The following VWCE variants were observed in gnomAD, a reference collection of about 807,000 sequenced individuals.
VWCE encodes the protein von Willebrand factor C and EGF domains, also known as von Willebrand factor C and EGF domain-containing protein.
A neutral mutation model predicts 102.9 loss-of-function variants in VWCE; 68 were observed. That is an observed-to-expected ratio of 0.66 (90% CI 0.54 to 0.81). VWCE has a LOEUF of 0.81. VWCE is among the 30% of genes least tolerant of loss of function. VWCE has a pLI of 0.00. For missense variants in VWCE, 1,137 were observed against 1,263.6 expected (o/e 0.90, Z 1.52); for synonymous variants, 497 against 515.4 (o/e 0.96, Z 0.48).
At chr11:61,285,942 C>T (rs113559406) in intron 5 of VWCE, among the ~76,000 whole-genome samples, 6 of 152,190 alleles carry the variant, frequency 3.9e-5, no homozygotes, top group East Asian at 1.9e-4. Flanking sequence ...TTAGTAGAGA[C>T]GAGGTTTCAC....
rs1341591318 is a variant in VWCE at position 61,286,368 on chromosome 11, C to T, written c.487G>A (p.Val163Met). Residue 163 changes from valine to methionine, a missense_variant, in exon 5 of 20, where the codon GTG becomes ATG. Transcript: ENST00000335613. ...GHCVNTEGGF[V>M]CECGPGMQLS... The stretch of plus-strand genomic sequence containing the variant: ...TGCATGCCCGGCCCACACTCGCACA[C>T]AAACCCACCTTCTGTGTTCACACAG... The T allele has an allele frequency of 6.2e-7, 1 of 1,612,406 alleles. No individual in the cohort carries two copies. The highest frequency in any genetic ancestry group is 8.5e-7 in the Non-Finnish European group (1 of 1,180,054).
intron 19 of VWCE, 43 bp downstream of exon 19, chr11:61,264,444 A>G: frequency 1.3e-6 from 2 of 1,576,078 alleles, no homozygotes; most frequent in Non-Finnish European, 1.7e-6. Flanking sequence ...AGTAAAATGG[A>G]AGAAGATGGC....
At chr11:61,283,266 G>A (rs758654765) in intron 5 of VWCE, among the ~76,000 whole-genome samples, 1 of 152,064 alleles carries the variant, frequency 6.6e-6, no homozygotes, top group Non-Finnish European at 1.5e-5. Flanking sequence ...AAACCTCTCC[G>A]CTGCTCCCAC....
intron 12 of VWCE, 149 bp downstream of exon 12, chr11:61,274,350 G>A: frequency 6.1e-6 from 4 of 653,060 alleles, no homozygotes; most frequent in South Asian, 3.8e-5. Context: ...GGAAGACCTG[G>A]GGGATCCCTG....
intron 5 of VWCE, among the ~76,000 whole-genome samples, chr11:61,285,732 C>T (rs1018654653): frequency 6.6e-6 from 1 of 152,146 alleles, no homozygotes; most frequent in Non-Finnish European, 1.5e-5. Context: ...CATCACCATC[C>T]CTTTATCCTG....
intron 19 of VWCE, among the ~76,000 whole-genome samples, 176 bp from the exon 20 acceptor site, chr11:61,259,488 G>C (rs778651485): frequency 6.6e-6 from 1 of 152,192 alleles, no homozygotes. Flanking sequence ...AGCCATGAAC[G>C]GAGGGAGGCA....
intron 6 of VWCE, 38 bp downstream of exon 6, chr11:61,282,751 G>T: frequency 6.5e-7 from 1 of 1,548,518 alleles, no homozygotes. Context: ...CTGATTGGCA[G>T]CCTAAGTGTG....
In VWCE at chr11:61,291,505, A is replaced by G. The variant is rs1855501560; in HGVS notation, c.182T>C (p.Met61Thr). The change falls in exon 2 of 20, where the codon ATG becomes ACG. Residue 61 changes from methionine (M) to threonine (T), a missense_variant. Physicochemically the swap from Met to Thr is moderately conservative, Grantham distance 81 (BLOSUM62 -1). Around this residue, in one of 5 missense-constraint regions of VWCE, gnomAD observed 575 missense variants for 625.9 expected, o/e 0.92. Transcript: ENST00000335613. ...SGCCPGWAPS[M>T]GGGHCTLPLC... ...ACGCAGGGTGCAGTGCCCACCACCC[A>G]TAGAGGGCGCCCAGCCAGGGCAGCA... 6.5e-7 allele frequency: 1 copy of G among 1,537,766 alleles called. No individual in the cohort carries two copies. The highest frequency in any genetic ancestry group is 1.4e-5 in the African/African-American group (1 of 72,622).
chr11:61,280,903 G>A lies in VWCE; in HGVS notation c.1120C>T (p.Pro374Ser), dbSNP rs1422567810. The A allele has an allele frequency of 1.3e-6, 2 of 1,528,626 alleles. No individual in the cohort carries two copies. Among genetic ancestry groups the A allele is most frequent in the East Asian group, 4.5e-5 (2 of 44,028 alleles). 94.7% of individuals were successfully genotyped at this position (1,528,626 alleles called of 1,614,324 possible). The change falls in exon 8 of 20, where the codon CCT becomes TCT. Residue 374 changes from proline (P) to serine (S), a missense_variant. Physicochemically the swap from Pro to Ser is moderately conservative, Grantham distance 74. This residue lies in a region of VWCE where 575 missense variants were observed against 625.9 expected (regional missense o/e 0.92). Transcript: ENST00000335613. The stretch of plus-strand genomic sequence containing the variant: ...CCTGCTGCCAGTCGGGGGGACTCAG[G>A]GCCCCTGGGTGAGGAAGGGGTCCCC... ...VMGTPSSPRG[P>S]ESPRLAAGPS...
chr11:61,272,704 A>T (rs997955203), intron 13 of VWCE, among the ~76,000 whole-genome samples: 2 of 152,004 alleles, frequency 1.3e-5, no homozygotes, highest in African/African-American at 4.8e-5. Flanking sequence ...ACACATACAC[A>T]TACATGCTCA....
At chr11:61,271,833 A>G in intron 13 of VWCE, 73 bp from the exon 14 acceptor site, 1 of 1,343,616 alleles carries the variant, frequency 7.4e-7, no homozygotes, top group Non-Finnish European at 1.1e-6. Flanking sequence ...CAGATGCCTC[A>G]TGCGCACAAA....
intron 19 of VWCE, 41 bp downstream of exon 19, chr11:61,264,446 G>T: frequency 1.9e-6 from 3 of 1,578,996 alleles, no homozygotes; most frequent in Non-Finnish European, 2.6e-6. Context: ...TAAAATGGAA[G>T]AAGATGGCGG....
At position 61,258,706 on chromosome 11, in the gene VWCE, C is replaced by G. The variant is rs766219701; in HGVS notation, c.2837G>C (p.Gly946Ala). Reference sequence around the variant, plus strand: ...GGTGGACTCTTCCCCCCGAGAAGCCCCCACTGGGGGCTGCTGGGGGCCAGG... The same window carrying G: ...GGTGGACTCTTCCCCCCGAGAAGCCGCCACTGGGGGCTGCTGGGGGCCAGG... ...THPGPQQPPV[G>A]ASRGEESTM The change falls in exon 20 of 20, where the codon GGG becomes GCG. Residue 946 changes from glycine (G) to alanine (A), a missense_variant. By Grantham distance (60) the Gly-to-Ala change is moderately conservative. Around this residue, in one of 5 missense-constraint regions of VWCE, gnomAD observed 316 missense variants for 319.3 expected, o/e 0.99. Transcript: ENST00000335613. 16 of 1,393,608 alleles carry G rather than the reference C, an allele frequency of 1.1e-5. No individual in the cohort carries two copies. Among genetic ancestry groups the G allele is most frequent in the Non-Finnish European group, 1.3e-5 (14 of 1,070,562 alleles). 86.3% of individuals were successfully genotyped at this position (1,393,608 alleles called of 1,614,324 possible).
chr11:61,280,873 AGGGC>A lies in VWCE; in HGVS notation c.1146_1149del (p.Pro383LeufsTer31), dbSNP rs1286455168. 6.5e-7 allele frequency: 1 copy of A among 1,535,240 alleles called. No homozygotes were observed. Among genetic ancestry groups the A allele is most frequent in the Non-Finnish European group, 8.8e-7 (1 of 1,142,842 alleles). Reference sequence around the variant, plus strand: ...ATGGCTCCCAGGTGCCAGCAGGGAGAGGGCCCTGCTGCCAGTCGGGGGGACTCAG... The same window carrying A: ...ATGGCTCCCAGGTGCCAGCAGGGAGACCTGCTGCCAGTCGGGGGGACTCAG... On this transcript the variant is annotated frameshift_variant, in exon 8 of 20. Transcript: ENST00000335613. LOFTEE classifies it high-confidence loss of function.
At position 61,258,838 on chromosome 11, in the gene VWCE, G is replaced by A; in HGVS notation, c.2705C>T (p.Ser902Phe). 1 of 1,515,454 alleles carries A rather than the reference G, an allele frequency of 6.6e-7. No individual in the cohort carries two copies. The highest frequency in any genetic ancestry group is 8.8e-7 in the Non-Finnish European group (1 of 1,134,304). The allele number at this position is 1,515,454 out of a possible 1,614,324, so 93.9% of individuals were successfully genotyped here. The change falls in exon 20 of 20, where the codon TCC becomes TTC. Residue 902 changes from serine (S) to phenylalanine (F), a missense_variant. Transcript: ENST00000335613. ...GTLLTEASAL[S>F]MMDPSPSKTP... is the part of the protein sequence containing the mutation. ...CTTCGAGGGGCTGGGGTCCATCATG[G>A]AAAGTGCTGAAGCTTCCGTCAGGAG...
chr11:61,291,076 T>C, intron 3 of VWCE, 149 bp from the exon 4 acceptor site: 1 of 1,351,472 alleles, frequency 7.4e-7, no homozygotes, highest in South Asian at 1.5e-5. Context: ...TTACCAGCTG[T>C]GTGACCCCGG....
chr11:61,279,111 A>G (rs1855030458), intron 9 of VWCE, among the ~76,000 whole-genome samples: 3 of 152,048 alleles, frequency 2.0e-5, no homozygotes, highest in African/African-American at 7.2e-5. Context: ...GTCCCTGGAC[A>G]TGTCACTTCA....
chr11:61,295,003 A>T lies in VWCE; in HGVS notation c.35T>A (p.Val12Asp). ...TGGTGCCCCCGGCAGCAGGAGCGCGACACAGGCGGCCCGAAGGAGCAGTCC... is the reference window on the plus strand; with the variant it reads ...TGGTGCCCCCGGCAGCAGGAGCGCGTCACAGGCGGCCCGAAGGAGCAGTCC... ...WAGLLLRAAC[V>D]ALLLPGAPAR... The change falls in exon 1 of 20, where the codon GTC (valine) becomes GAC (aspartate). Residue 12 changes from valine to aspartate, a missense_variant. By Grantham distance (152) the Val-to-Asp change is radical. Around this residue, in one of 5 missense-constraint regions of VWCE, gnomAD observed 575 missense variants for 625.9 expected, o/e 0.92. Transcript: ENST00000335613. This position sits in a 1 kb window ranked among gnomAD's most constrained non-coding sequence, Gnocchi z 4.6. 6.8e-7 allele frequency: 1 copy of T among 1,472,550 alleles called. No individual in the cohort carries two copies. The highest frequency in any genetic ancestry group is 9.0e-7 in the Non-Finnish European group (1 of 1,113,142). 91.2% of individuals were successfully genotyped at this position (1,472,550 alleles called of 1,614,324 possible). A position where few individuals can be genotyped will look rare whatever the true frequency, so the allele number is the denominator to read the frequency against.
chr11:61,272,721 C>A (rs185372928), intron 13 of VWCE, among the ~76,000 whole-genome samples: 1 of 151,700 alleles, frequency 6.6e-6, no homozygotes, highest in African/African-American at 2.4e-5. Flanking sequence ...CTCACACAGA[C>A]GCACACTACT....
Sources: allele counts gnomAD v4.1 joint callset (sites outside exome capture counted in the v4.1 genomes callset), GRCh38; gene constraint gnomAD v4.1.1; regional missense constraint gnomAD v4.1.1; non-coding constraint Gnocchi (gnomAD v3.1); transcripts MANE v1.5; gene names NCBI Gene and HGNC (gene_info 2026-07-23, HGNC 2026-07-21).